Variants in LYST observed in about 807,000 individuals in gnomAD.
The protein encoded by LYST is lysosomal trafficking regulator.
Under a neutral mutation model 413.6 loss-of-function variants are expected in LYST, and 192 were observed. The observed-to-expected ratio is 0.46, with a 90% CI of 0.41 to 0.52. The LOEUF (loss-of-function observed/expected upper bound fraction) is 0.52. LYST is among the 20% of genes least tolerant of loss of function. LYST has a pLI of 0.00. For missense variants in LYST, 3,815 were observed against 4,499.9 expected (o/e 0.85, Z 4.35); for synonymous variants, 1,525 against 1,567.3 (o/e 0.97, Z 0.64).
intron 29 of LYST, among the ~76,000 whole-genome samples, chr1:235,745,292 TG>T (rs1198453211): frequency 4.6e-5 from 7 of 152,184 alleles, no homozygotes; most frequent in South Asian, 2.1e-4. Flanking sequence ...TTTTAGTGGG[TG>T]CTCTAAGTAT....
chr1:235,867,156 G>A (rs952618727), upstream of LYST, among the ~76,000 whole-genome samples: 2 of 152,352 alleles, frequency 1.3e-5, no homozygotes, highest in South Asian at 4.1e-4. Flanking sequence ...GGCTGCAGCC[G>A]GGGCCCGGTC....
At chr1:235,841,822 A>G (rs1356062981) in intron 1 of LYST, among the ~76,000 whole-genome samples, 1 of 152,190 alleles carries the variant, frequency 6.6e-6, no homozygotes, top group African/African-American at 2.4e-5. Flanking sequence ...TGACTGGCTC[A>G]ATTTTTTCAT....
chr1:235,824,005 C>T (rs1675065922), intron 3 of LYST, among the ~76,000 whole-genome samples: 1 of 152,140 alleles, frequency 6.6e-6, no homozygotes, highest in African/African-American at 2.4e-5. Context: ...TGTAGCCACA[C>T]TTCTAAAGGT....
Position 235,661,729 on chromosome 1 carries a change from C to G in LYST, c.*1211G>C. Reference sequence around the variant, plus strand: ...TTAGGCAGGGATACATATTTTTATCCCATGGTAACATATTACTGAGCTTAT... The same window carrying G: ...TTAGGCAGGGATACATATTTTTATCGCATGGTAACATATTACTGAGCTTAT... On this transcript the variant is annotated 3_prime_UTR_variant, in exon 53 of 53. Transcript: ENST00000389793. The G allele has an allele frequency of 6.6e-6, 1 of 152,596 alleles. No homozygotes were observed. The highest frequency in any genetic ancestry group is 3.4e-3 in the Middle Eastern group (1 of 294). 9.5% of individuals were successfully genotyped at this position (152,596 alleles called of 1,614,324 possible).
At chr1:235,720,028 T>C (rs1663211680) in intron 40 of LYST, among the ~76,000 whole-genome samples, 1 of 151,220 alleles carries the variant, frequency 6.6e-6, no homozygotes, top group African/African-American at 2.4e-5. Context: ...ATACAAAAAT[T>C]AGTTGGGCAT....
chr1:235,681,511 A>G (rs1273985009), intron 48 of LYST, among the ~76,000 whole-genome samples: 1 of 152,134 alleles, frequency 6.6e-6, no homozygotes, highest in Admixed American at 6.5e-5. Flanking sequence ...TAGAGCCTAC[A>G]AGGAGACTCA....
intron 40 of LYST, among the ~76,000 whole-genome samples, chr1:235,718,712 T>C (rs1663067456): frequency 6.6e-6 from 1 of 152,186 alleles, no homozygotes; most frequent in South Asian, 2.1e-4. Flanking sequence ...AACAAAATAT[T>C]CCCTCATCAA....
chr1:235,801,223 A>T (rs1410837407), intron 8 of LYST, 126 bp from the exon 9 acceptor site: 62 of 688,712 alleles, frequency 9.0e-5, no homozygotes, highest in Non-Finnish European at 1.5e-4. Flanking sequence ...AACCTTTTCC[A>T]ATCTTTTCCT....
At chr1:235,795,302 C>G (rs1447584345) in intron 10 of LYST, among the ~76,000 whole-genome samples, 1 of 152,154 alleles carries the variant, frequency 6.6e-6, no homozygotes, top group Non-Finnish European at 1.5e-5. Context: ...ACGAAATGGT[C>G]AGGTGTATAC....
chr1:235,733,522 G>A lies in LYST; in HGVS notation c.8782C>T (p.Gln2928Ter). The part of the protein sequence containing the change: ...SASRHWQELI[Q>*]QLTHDRAVWY... ...GCTTACCTATCATGTGTCAGCTGCTGAATAAGTTCCTGCCAATGTCTGCTG... is the reference window on the plus strand; with the variant it reads ...GCTTACCTATCATGTGTCAGCTGCTAAATAAGTTCCTGCCAATGTCTGCTG... Residue 2928 changes from glutamine to a stop codon, truncating the protein, a stop_gained, in exon 34 of 53, where the codon CAG becomes TAG. Transcript: ENST00000389793. LOFTEE classifies it high-confidence loss of function. 6.2e-7 allele frequency: 1 copy of A among 1,613,954 alleles called. No homozygotes were observed. Among genetic ancestry groups the A allele is most frequent in the Non-Finnish European group, 8.5e-7 (1 of 1,179,914 alleles).
chr1:235,878,173 C>T (rs1210477614), intron 1 of LYST, among the ~76,000 whole-genome samples: 1 of 152,208 alleles, frequency 6.6e-6, no homozygotes, highest in African/African-American at 2.4e-5. Flanking sequence ...GTAGCTTAAT[C>T]AGCAGAGCCC....
chr1:235,735,201 T>C (rs1478942828), intron 31 of LYST: 1 of 152,148 alleles, frequency 6.6e-6, no homozygotes, highest in Admixed American at 6.5e-5. Flanking sequence ...ATTTTTAGTT[T>C]TTCTCACAGA....
At chr1:235,762,953 A>G (rs1054740479) in intron 21 of LYST, 102 bp from the exon 22 acceptor site, 9 of 862,134 alleles carry the variant, frequency 1.0e-5, no homozygotes, top group Admixed American at 2.1e-5. Flanking sequence ...TGACAAAAAG[A>G]TGTTTAAAGA....
chr1:235,738,759 C>T (rs1665055787), intron 31 of LYST: 2 of 1,249,912 alleles, frequency 1.6e-6, no homozygotes, highest in Non-Finnish European at 2.4e-6. Flanking sequence ...GGCCATTGGA[C>T]TCTCTGTGGC....
Position 235,809,890 on chromosome 1 carries a change from C to G in LYST, c.928G>C (p.Val310Leu). 6.2e-7 allele frequency: 1 copy of G among 1,614,032 alleles called. No homozygotes were observed. The highest frequency in any genetic ancestry group is 8.5e-7 in the Non-Finnish European group (1 of 1,179,982). The change falls in exon 5 of 53, where the codon GTA (valine) becomes CTA (leucine). Residue 310 changes from valine to leucine, a missense_variant. By Grantham distance (32) the Val-to-Leu change is conservative. Around this residue, in one of 4 missense-constraint regions of LYST, gnomAD observed 1,648 missense variants for 1,810.3 expected, o/e 0.91. Coordinates refer to ENST00000389793, the MANE Select transcript of LYST (RefSeq NM_000081.4). This position sits in a 1 kb window ranked among gnomAD's most constrained non-coding sequence, Gnocchi z 4.0. ...TCTTCGGTCCAACCTGCAGAAACTA[C>G]TCGACTCTCCAAGTTGTCGCTCAGA... ...CSLSDNLESR[V>L]VSAGWTEEPV...
In LYST at chr1:235,751,312, T is replaced by C. The variant is rs754209450; in HGVS notation, c.7678A>G (p.Ile2560Val). 16 of 1,613,636 alleles carry C rather than the reference T, an allele frequency of 9.9e-6. No homozygotes were observed. In the East Asian group the frequency reaches 3.3e-4, roughly 34 times the overall value. The change falls in exon 28 of 53, where the codon ATA becomes GTA. Residue 2560 changes from isoleucine (I) to valine (V), a missense_variant. Ile to Val is a conservative substitution (Grantham distance 29, BLOSUM62 3). Coordinates refer to ENST00000389793, the MANE Select transcript of LYST (RefSeq NM_000081.4). ...GAGTCATGATTTGCGGTGGTCCTTATAAATTCCATAGCAGCCTGGAGAACT... is the reference window on the plus strand; with the variant it reads ...GAGTCATGATTTGCGGTGGTCCTTACAAATTCCATAGCAGCCTGGAGAACT... Reference protein sequence around the residue: ...LRVLQAAMEFIRTTANHDSEN... With the variant: ...LRVLQAAMEFVRTTANHDSEN...
At chr1:235,709,364 C>T in intron 43 of LYST, 56 bp from the exon 44 acceptor site, 2 of 1,404,190 alleles carry the variant, frequency 1.4e-6, no homozygotes, top group Non-Finnish European at 2.0e-6. Flanking sequence ...TTTCATTCAG[C>T]TACAGAGCAG....
chr1:235,809,404 G>C lies in LYST; in HGVS notation c.1414C>G (p.Leu472Val). ...PPEASEHLKA[L>V]INSVMKIMST... ...ATTATTTTCATCACACTATTTATTA[G>C]GGCTTTCAAATGCTCTGAGGCCTCG... The change falls in exon 5 of 53, where the codon CTA becomes GTA. Residue 472 changes from leucine (L) to valine (V), a missense_variant. By Grantham distance (32) the Leu-to-Val change is conservative. Coordinates refer to ENST00000389793, the MANE Select transcript of LYST (RefSeq NM_000081.4). This position sits in a 1 kb window ranked among gnomAD's most constrained non-coding sequence, Gnocchi z 4.0. 1 of 1,613,754 alleles carries C rather than the reference G, an allele frequency of 6.2e-7. No individual in the cohort carries two copies. The highest frequency in any genetic ancestry group is 1.1e-5 in the South Asian group (1 of 91,068).
At chr1:235,829,524 G>A (rs555212096) in intron 3 of LYST, 7 of 152,078 alleles carry the variant, frequency 4.6e-5, no homozygotes, top group African/African-American at 9.6e-5. Flanking sequence ...AGAGTTTTAC[G>A]ATCACAAAAT....
Sources: allele counts gnomAD v4.1 joint callset (sites outside exome capture counted in the v4.1 genomes callset), GRCh38; gene constraint gnomAD v4.1.1; regional missense constraint gnomAD v4.1.1; non-coding constraint Gnocchi (gnomAD v3.1); transcripts MANE v1.5; gene names NCBI Gene and HGNC (gene_info 2026-07-23, HGNC 2026-07-21).